The following PLD1 variants were observed in gnomAD, a reference collection of about 807,000 sequenced individuals.
The protein encoded by PLD1 is choline phosphatase 1.
In PLD1, 112 loss-of-function variants were observed where a neutral mutation model predicts 137.1. The ratio of observed to expected loss-of-function variants is 0.82; its 90% CI spans 0.70 to 0.96. The LOEUF is 0.96. Among genes scored for constraint, PLD1 ranks in the 40% least tolerant of loss-of-function variants. PLD1 has a pLI of 0.00. For synonymous variants in PLD1, 431 were observed against 454.7 expected, an observed-to-expected ratio of 0.95 and a Z score of 0.66; for missense variants, 1,321 against 1,342.0, an observed-to-expected ratio of 0.98 and a Z score of 0.24.
intron 21 of PLD1, among the ~76,000 whole-genome samples, chr3:171,655,001 G>A (rs781198010): frequency 2.4e-4 from 36 of 152,090 alleles, no homozygotes; most frequent in Admixed American, 3.9e-4. Flanking sequence ...GGATTCCAAC[G>A]CTGGCAGAAA....
chr3:171,788,546 A>C (rs2108348557), intron 1 of PLD1: 1 of 152,232 alleles, frequency 6.6e-6, no homozygotes, highest in South Asian at 2.1e-4. Flanking sequence ...CCAAATAAAA[A>C]CTCAAGCCAA....
At chr3:171,780,023 G>T (rs1006132816) in intron 1 of PLD1, among the ~76,000 whole-genome samples, 4 of 151,482 alleles carry the variant, frequency 2.6e-5, no homozygotes, top group Admixed American at 6.6e-5. Flanking sequence ...TCAGGACGGG[G>T]GTTTATATAC....
chr3:171,642,846 C>A lies in PLD1; in HGVS notation c.2587G>T (p.Ala863Ser). Reference protein sequence around the residue: ...GENSILGQLKAELGNQWINYI... With the variant: ...GENSILGQLKSELGNQWINYI... The stretch of plus-strand genomic sequence containing the variant: ...AAAAAAAGCAGTTACTTACGCTCTG[C>A]TTTTAACTGTCCAAGGATGGAATTT... The change falls in exon 23 of 27, where the codon GCA (alanine) becomes TCA (serine). Residue 863 changes from alanine to serine, a missense_variant. Transcript: ENST00000351298. 6.3e-7 allele frequency: 1 copy of A among 1,578,600 alleles called. No individual in the cohort carries two copies. The highest frequency in any genetic ancestry group is 1.1e-5 in the South Asian group (1 of 87,522).
At chr3:171,700,025 C>T (rs1716100857) in intron 11 of PLD1, among the ~76,000 whole-genome samples, 199 bp from the exon 12 acceptor site, 1 of 149,172 alleles carries the variant, frequency 6.7e-6, no homozygotes, top group Admixed American at 6.6e-5. Context: ...AAACATCAAT[C>T]TTAGTTCTTT....
intron 1 of PLD1, among the ~76,000 whole-genome samples, chr3:171,753,611 C>T (rs1426007449): frequency 6.6e-6 from 1 of 152,134 alleles, no homozygotes; most frequent in East Asian, 1.9e-4. Flanking sequence ...CTCTCAATGT[C>T]CCTCACCTTA....
At chr3:171,609,504 GA>G (rs1387526586) in intron 25 of PLD1, among the ~76,000 whole-genome samples, 1 of 104,510 alleles carries the variant, frequency 9.6e-6, no homozygotes, top group African/African-American at 3.7e-5. Flanking sequence ...ATTACATAAA[GA>G]AAACACACAC....
chr3:171,665,554 G>A (rs1712031599), intron 19 of PLD1, among the ~76,000 whole-genome samples: 2 of 152,014 alleles, frequency 1.3e-5, no homozygotes, highest in South Asian at 2.1e-4. Flanking sequence ...ACAAAAATTA[G>A]CCGGGCTTGG....
chr3:171,640,802 T>C lies in PLD1; in HGVS notation c.2593+2038A>G, dbSNP rs551750172. On this transcript the variant is annotated intron_variant, in intron 23 of 26. Coordinates refer to ENST00000351298, the MANE Select transcript of PLD1 (RefSeq NM_002662.5). The stretch of plus-strand genomic sequence containing the variant: ...ACCTTTCAGATTCCCAGGGATATGT[T>C]GGAAGTTTCTAGTGCCCACTAGGGG... 2.6e-5 allele frequency among the ~76,000 whole-genome samples: 4 copies of C among 152,346 alleles called. No homozygotes were observed. The South Asian group carries it at 8.3e-4, about 32-fold the overall frequency.
chr3:171,719,950 G>T (rs368602471), intron 8 of PLD1, among the ~76,000 whole-genome samples: 2 of 152,122 alleles, frequency 1.3e-5, no homozygotes, highest in South Asian at 4.1e-4. Flanking sequence ...ATGAAAAAAA[G>T]TTATGAAGGA....
At chr3:171,654,050 G>T in intron 21 of PLD1, 1 of 382,642 alleles carries the variant, frequency 2.6e-6, no homozygotes, top group Non-Finnish European at 5.1e-6. Context: ...GAAGCATGAG[G>T]GGCACTTTGG....
chr3:171,752,781 C>T (rs1180255614), intron 1 of PLD1, among the ~76,000 whole-genome samples: 1 of 152,162 alleles, frequency 6.6e-6, no homozygotes, highest in African/African-American at 2.4e-5. Context: ...GAAATTAATG[C>T]AACTCAATTC....
chr3:171,679,472 A>C (rs1713734495), intron 16 of PLD1, among the ~76,000 whole-genome samples: 1 of 152,226 alleles, frequency 6.6e-6, no homozygotes, highest in South Asian at 2.1e-4. Context: ...TTGTTAAAAG[A>C]AGAAAAGAGG....
chr3:171,744,653 C>CT (rs964849112), intron 1 of PLD1, among the ~76,000 whole-genome samples: 6 of 152,220 alleles, frequency 3.9e-5, no homozygotes, highest in Admixed American at 3.9e-4. Context: ...CTCACGTTCT[C>CT]TTTTTTTCCC....
intron 1 of PLD1, among the ~76,000 whole-genome samples, chr3:171,744,573 T>G (rs1720012941): frequency 6.6e-6 from 1 of 152,222 alleles, no homozygotes; most frequent in Non-Finnish European, 1.5e-5. Context: ...TGACGCTGCT[T>G]TTATCCCTGA....
chr3:171,773,627 T>C lies in PLD1; in HGVS notation c.-31-35545A>G, dbSNP rs75726987. Reference sequence around the variant, plus strand: ...AAAAAACAAAACAAAACAAACAAACTAACTAAAATGAATAAGGATAGCTAT... The same window carrying C: ...AAAAAACAAAACAAAACAAACAAACCAACTAAAATGAATAAGGATAGCTAT... On this transcript the variant is annotated intron_variant, in intron 1 of 26. Coordinates refer to ENST00000351298, the MANE Select transcript of PLD1 (RefSeq NM_002662.5). 4.3e-5 allele frequency among the ~76,000 whole-genome samples: 6 copies of C among 139,132 alleles called. No homozygotes were observed. In the South Asian group the frequency reaches 1.2e-3, roughly 29 times the overall value. 91.3% of individuals were successfully genotyped at this position (139,132 alleles called of 152,430 possible).
intron 19 of PLD1, among the ~76,000 whole-genome samples, chr3:171,666,875 T>G (rs780056664): frequency 2.0e-5 from 3 of 152,242 alleles, no homozygotes; most frequent in Non-Finnish European, 4.4e-5. Context: ...ACTAGTCATT[T>G]TCTTCGTGCT....
chr3:171,643,043 A>G (rs968239767), intron 22 of PLD1, 154 bp from the exon 23 acceptor site: 1 of 557,136 alleles, frequency 1.8e-6, no homozygotes, highest in Admixed American at 3.9e-5. Context: ...AAACAGTTAC[A>G]TGAATATCAC....
intron 24 of PLD1, among the ~76,000 whole-genome samples, chr3:171,615,329 C>T (rs929231412): frequency 3.3e-5 from 5 of 152,206 alleles, no homozygotes; most frequent in Non-Finnish European, 7.4e-5. Context: ...TTTATATGAC[C>T]TGTTCTGAGT....
intron 17 of PLD1, among the ~76,000 whole-genome samples, chr3:171,677,135 T>A (rs549511042): frequency 6.6e-6 from 1 of 152,362 alleles, no homozygotes; most frequent in South Asian, 2.1e-4. Flanking sequence ...TTATATTTTT[T>A]ATTTTTTATC....
Sources: gnomAD v4.1 joint callset for allele counts (sites outside exome capture counted in the v4.1 genomes callset) on GRCh38, gnomAD v4.1.1 for gene constraint, MANE v1.5 for transcripts, NCBI Gene and HGNC (gene_info 2026-07-23, HGNC 2026-07-21) for gene names.